Variants in BMPR1B observed in about 807,000 individuals in gnomAD.
BMPR1B encodes bone morphogenetic protein receptor type 1B, also known as bone morphogenetic protein receptor type-1B.
Under a neutral mutation model 59.1 loss-of-function variants are expected in BMPR1B, and 12 were observed. The ratio of observed to expected loss-of-function variants is 0.20; its 90% CI spans 0.13 to 0.33. The LOEUF (loss-of-function observed/expected upper bound fraction) is 0.33, where lower values mean the gene tolerates loss of function less well. BMPR1B is among the 10% of genes least tolerant of loss of function. The pLI is 1.00. For synonymous variants in BMPR1B, 237 were observed against 207.3 expected (o/e 1.14, Z -1.23); for missense variants, 550 against 610.9 (o/e 0.90, Z 1.05).
At chr4:94,970,350 C>T (rs940182305) in intron 2 of BMPR1B, among the ~76,000 whole-genome samples, 6 of 146,344 alleles carry the variant, frequency 4.1e-5, no homozygotes, top group Non-Finnish European at 9.0e-5. Context: ...GTTTCACTCT[C>T]TGTCACCCAG....
intron 2 of BMPR1B, among the ~76,000 whole-genome samples, chr4:94,881,064 A>G (rs892188858): frequency 2.0e-5 from 3 of 152,212 alleles, no homozygotes; most frequent in African/African-American, 7.2e-5. Context: ...TGTATACCAT[A>G]AAATGGACAA....
At chr4:94,844,905 A>T (rs958203030) in intron 1 of BMPR1B, among the ~76,000 whole-genome samples, 2 of 152,224 alleles carry the variant, frequency 1.3e-5, no homozygotes, top group Non-Finnish European at 1.5e-5. Context: ...TGAGAAGATA[A>T]TAGTGGGCCA....
At chr4:95,078,469 T>C (rs1184030614) in intron 3 of BMPR1B, among the ~76,000 whole-genome samples, 2 of 152,198 alleles carry the variant, frequency 1.3e-5, no homozygotes, top group African/African-American at 4.8e-5. Context: ...AAGTGCGTTA[T>C]ATCATACTTC....
chr4:95,118,722 T>A (rs1288324245), intron 6 of BMPR1B, among the ~76,000 whole-genome samples: 1 of 152,206 alleles, frequency 6.6e-6, no homozygotes, highest in Non-Finnish European at 1.5e-5. Flanking sequence ...AGACTCTGGC[T>A]GTGGCTTGAA....
intron 1 of BMPR1B, among the ~76,000 whole-genome samples, chr4:94,764,976 T>A (rs143236487): frequency 1.5e-4 from 23 of 152,166 alleles, no homozygotes; most frequent in African/African-American, 5.3e-4. Context: ...TTTAAAAAAA[T>A]AAACGGTGCA....
intron 3 of BMPR1B, among the ~76,000 whole-genome samples, chr4:95,077,126 A>G (rs929942709): frequency 1.3e-5 from 2 of 152,070 alleles, no homozygotes; most frequent in African/African-American, 4.8e-5. Flanking sequence ...GAAAGGAAAG[A>G]CTCCAGCCAA....
At chr4:94,769,106 CTTTTCTAAATTCCTTTTT>C (rs1341235386) in intron 1 of BMPR1B, among the ~76,000 whole-genome samples, 1 of 152,168 alleles carries the variant, frequency 6.6e-6, no homozygotes, top group Non-Finnish European at 1.5e-5. Context: ...ACTCTAATTC[CTTTTCTAAATTCCTTTTT>C]TGGCTCATCT....
intron 2 of BMPR1B, among the ~76,000 whole-genome samples, chr4:94,898,252 C>T (rs1302113813): frequency 1.3e-5 from 2 of 151,924 alleles, no homozygotes; most frequent in African/African-American, 4.8e-5. Flanking sequence ...AAGTGCAGTC[C>T]TGACAAGTTA....
At chr4:95,064,961 T>C (rs576873259) in intron 3 of BMPR1B, among the ~76,000 whole-genome samples, 1 of 152,316 alleles carries the variant, frequency 6.6e-6, no homozygotes, top group South Asian at 2.1e-4. Flanking sequence ...GTAAACAGTC[T>C]GGCAGTTTCT....
intron 1 of BMPR1B, among the ~76,000 whole-genome samples, chr4:94,853,332 A>C (rs914096384): frequency 6.6e-6 from 1 of 152,184 alleles, no homozygotes; most frequent in African/African-American, 2.4e-5. Flanking sequence ...TACTGTGTCC[A>C]ATTGTAAAGC....
chr4:94,841,950 G>A (rs1353336156), intron 1 of BMPR1B, among the ~76,000 whole-genome samples: 1 of 152,122 alleles, frequency 6.6e-6, no homozygotes, highest in African/African-American at 2.4e-5. Flanking sequence ...TGGACAAGTG[G>A]AAGGACGTTA....
intron 1 of BMPR1B, among the ~76,000 whole-genome samples, chr4:94,768,936 A>C (rs182729725): frequency 2.4e-4 from 36 of 152,276 alleles, no homozygotes; most frequent in Middle Eastern, 3.4e-3. Context: ...TTATTCCTTT[A>C]TATAATCTCT....
In BMPR1B at chr4:94,913,334, A is replaced by C. The variant is rs28452896; in HGVS notation, c.-113+37434A>C. Among the ~76,000 whole-genome samples, 1,124 of 152,332 alleles carry C rather than the reference A, an allele frequency of 7.4e-3. 17 individuals carry two copies. Among genetic ancestry groups the C allele is most frequent in the African/African-American group, 0.026 (1,077 of 41,584 alleles). On this transcript the variant is annotated intron_variant, in intron 2 of 12. Transcript: ENST00000515059. ...CTTAAGATTAACAGCAACAACAGCA[A>C]AAACTCTTGGAAAGAGATTAAGAAT...
At chr4:94,932,600 T>G (rs1344936638) in intron 2 of BMPR1B, among the ~76,000 whole-genome samples, 1 of 152,126 alleles carries the variant, frequency 6.6e-6, no homozygotes, top group Non-Finnish European at 1.5e-5. Flanking sequence ...GGGCAGTTTG[T>G]CATAAATAAA....
At chr4:94,873,875 T>G (rs929878715) in intron 1 of BMPR1B, among the ~76,000 whole-genome samples, 1 of 152,218 alleles carries the variant, frequency 6.6e-6, no homozygotes, top group Non-Finnish European at 1.5e-5. Flanking sequence ...TTTCCAGAAC[T>G]TTTTCATCTT....
chr4:95,024,514 A>G (rs958516312), intron 3 of BMPR1B, among the ~76,000 whole-genome samples: 1 of 152,142 alleles, frequency 6.6e-6, no homozygotes, highest in African/African-American at 2.4e-5. Context: ...TGTGAGAGTT[A>G]CCTGACAAGG....
At chr4:95,121,437 A>G (rs959595613) in intron 6 of BMPR1B, among the ~76,000 whole-genome samples, 44 of 152,212 alleles carry the variant, frequency 2.9e-4, no homozygotes, top group African/African-American at 1.1e-3. Flanking sequence ...ATTATTGTTT[A>G]GTAAGATAGT....
intron 1 of BMPR1B, among the ~76,000 whole-genome samples, chr4:94,797,060 A>G: frequency 6.6e-6 from 1 of 152,228 alleles, no homozygotes. Flanking sequence ...TTACAGTTCC[A>G]CATGGCTGGG....
At chr4:95,084,656 A>ATGGGGATTT (rs1291569611) in intron 3 of BMPR1B, among the ~76,000 whole-genome samples, 1 of 152,222 alleles carries the variant, frequency 6.6e-6, no homozygotes, top group African/African-American at 2.4e-5. Context: ...GAGTGTGGTC[A>ATGGGGATTT]TGGGAAAAGC....
Sources: gnomAD v4.1 joint callset for allele counts (sites outside exome capture counted in the v4.1 genomes callset) on GRCh38, gnomAD v4.1.1 for gene constraint, MANE v1.5 for transcripts, NCBI Gene and HGNC (gene_info 2026-07-23, HGNC 2026-07-21) for gene names.